Variants in AJUBA observed in about 807,000 individuals in gnomAD.
AJUBA encodes the protein ajuba LIM protein.
AJUBA carries 20 observed loss-of-function variants against 53.3 expected under a neutral mutation model. That is an observed-to-expected ratio of 0.38 (90% confidence interval 0.26 to 0.55). AJUBA has a LOEUF of 0.55. Among genes scored for constraint, AJUBA ranks in the 20% least tolerant of loss-of-function variants. The pLI, the probability that AJUBA is intolerant of heterozygous loss-of-function variation, is 0.80. For synonymous variants in AJUBA, 296 were observed against 306.2 expected (o/e 0.97, Z 0.35); for missense variants, 580 against 730.5 (o/e 0.79, Z 2.38).
intron 1 of AJUBA, among the ~76,000 whole-genome samples, chr14:22,980,012 G>T (rs1322190935): frequency 6.6e-6 from 1 of 152,042 alleles, no homozygotes; most frequent in East Asian, 1.9e-4. Context: ...GGTGGAGGCT[G>T]GGGGTTGAGT....
chr14:22,975,295 A>G, intron 4 of AJUBA, 191 bp from the exon 5 acceptor site: 1 of 674,064 alleles, frequency 1.5e-6, no homozygotes, highest in Non-Finnish European at 2.4e-6. Flanking sequence ...GAGAGCATTC[A>G]GGCCAGCAGT....
At chr14:22,978,782 T>A (rs1035914293) in intron 1 of AJUBA, 96 of 1,203,072 alleles carry the variant, frequency 8.0e-5, no homozygotes, top group Middle Eastern at 3.1e-4. Context: ...ACAGGCAAGG[T>A]ATGATCTCTG....
At chr14:22,981,135 G>C in intron 1 of AJUBA, 126 bp downstream of exon 1, 1 of 1,216,820 alleles carries the variant, frequency 8.2e-7, no homozygotes, top group South Asian at 1.6e-5. Context: ...CATCCCTCTT[G>C]CTTCTTTCCT....
In AJUBA at chr14:22,982,010, T is replaced by A; in HGVS notation, c.257A>T (p.Glu86Val). Residue 86 changes from glutamate to valine, a missense_variant, in exon 1 of 8, where the codon GAA (glutamate) becomes GTA (valine). Physicochemically the swap from Glu to Val is moderately radical, Grantham distance 121. Coordinates refer to ENST00000262713, the MANE Select transcript of AJUBA (RefSeq NM_032876.6). ...QRGSFEAPRY[E>V]GSFPAGPPPT... ...CGGCGGCCCCGCGGGAAAAGAGCCT[T>A]CGTAGCGCGGCGCCTCAAAGGAGCC... 1 of 1,586,864 alleles carries A rather than the reference T, an allele frequency of 6.3e-7. No homozygotes were observed. The highest frequency in any genetic ancestry group is 8.5e-7 in the Non-Finnish European group (1 of 1,171,584).
chr14:22,973,925 A>G (rs771823008), intron 7 of AJUBA, 122 bp downstream of exon 7: 5 of 1,158,116 alleles, frequency 4.3e-6, no homozygotes, highest in Non-Finnish European at 6.4e-6. Context: ...ATAGGTCACA[A>G]TATCTTTCTG....
chr14:22,978,527 T>C (rs1238082257), intron 1 of AJUBA, 82 bp from the exon 2 acceptor site: 12 of 1,551,708 alleles, frequency 7.7e-6, no homozygotes, highest in Non-Finnish European at 9.6e-6. Context: ...CCTTTCCTGA[T>C]GTGCCAGGGG....
rs778995297 is a variant in AJUBA, at chr14:22,974,027, C to T, written c.1491+20G>A. ...CCCATTTCCACTTCTTCTCCAGCAC[C>T]GCTGAACCCCAACACTCACCTCACA... is the stretch of plus-strand genomic sequence containing the variant. On this transcript the variant is annotated intron_variant, in intron 7 of 7. Coordinates refer to ENST00000262713, the MANE Select transcript of AJUBA (RefSeq NM_032876.6). The T allele has an allele frequency of 2.4e-5, 38 of 1,613,876 alleles. No individual in the cohort carries two copies. The highest frequency in any genetic ancestry group is 3.0e-5 in the Non-Finnish European group (35 of 1,179,928).
Position 22,982,127 on chromosome 14 carries a change from G to A in AJUBA, c.140C>T (p.Ser47Leu), listed in dbSNP as rs1302460721. The A allele has an allele frequency of 6.9e-6, 11 of 1,604,108 alleles. No individual in the cohort carries two copies. The highest frequency in any genetic ancestry group is 9.4e-6 in the Non-Finnish European group (11 of 1,176,064). ...TCCCCCAGTAGCTCCTCGGGGCCCT[G>A]ACTTCCTAGGTCCCCCCAACCCACT... is the stretch of plus-strand genomic sequence containing the variant. ...RLSGLGGPRKSGPRGATGGPG... is the reference protein window; with the variant it reads ...RLSGLGGPRKLGPRGATGGPG... The change falls in exon 1 of 8, where the codon TCA becomes TTA. Residue 47 changes from serine to leucine, a missense_variant. Physicochemically the swap from Ser to Leu is moderately radical, Grantham distance 145. This residue lies in a region of AJUBA where 430 missense variants were observed against 471.5 expected (regional missense o/e 0.91). Coordinates refer to ENST00000262713, the MANE Select transcript of AJUBA (RefSeq NM_032876.6).
chr14:22,976,630 G>GT lies in AJUBA; in HGVS notation c.1176+14dup, dbSNP rs1273415051. The GT allele has an allele frequency of 6.2e-7, 1 of 1,613,816 alleles. No homozygotes were observed. Reference sequence around the variant, plus strand: ...GTATGGAAACCAATTCCAGGTCCAGGTGACCCTTACTCACCAGATAATCTT... The same window carrying GT: ...GTATGGAAACCAATTCCAGGTCCAGGTTGACCCTTACTCACCAGATAATCTT... On this transcript the variant is annotated intron_variant, in intron 3 of 7. Coordinates refer to ENST00000262713, the MANE Select transcript of AJUBA (RefSeq NM_032876.6).
Position 22,973,320 on chromosome 14 carries a change from T to C in AJUBA, c.*123A>G, listed in dbSNP as rs2045001929. ...ATCTTTGGGTCTCCGGCCCTTGGGG[T>C]CCTCCCCAGAGGACTCTTCTGCCAG... On this transcript the variant is annotated 3_prime_UTR_variant, in exon 8 of 8. Transcript: ENST00000262713. 1 of 1,385,206 alleles carries C rather than the reference T, an allele frequency of 7.2e-7. No homozygotes were observed. Among genetic ancestry groups the C allele is most frequent in the Non-Finnish European group, 9.7e-7 (1 of 1,028,010 alleles). The allele number at this position is 1,385,206 out of a possible 1,614,324, so 85.8% of individuals were successfully genotyped here. A position where few individuals can be genotyped will look rare whatever the true frequency, so the allele number is the denominator to read the frequency against.
chr14:22,981,989 G>C lies in AJUBA; in HGVS notation c.278C>G (p.Pro93Arg), dbSNP rs1241463133. ...PRYEGSFPAG[P>R]PPTRALPLPQ... The stretch of plus-strand genomic sequence containing the variant: ...TAGAGGCAAGGCCCGGGTGGGCGGC[G>C]GCCCCGCGGGAAAAGAGCCTTCGTA... The change falls in exon 1 of 8, where the codon CCG (proline) becomes CGG (arginine). Residue 93 changes from proline to arginine, a missense_variant. Physicochemically the swap from Pro to Arg is moderately radical, Grantham distance 103. Transcript: ENST00000262713. 103 of 1,578,688 alleles carry C rather than the reference G, an allele frequency of 6.5e-5. No individual in the cohort carries two copies. The highest frequency in any genetic ancestry group is 8.7e-5 in the Non-Finnish European group (102 of 1,168,114).
intron 7 of AJUBA, 65 bp from the exon 8 acceptor site, chr14:22,973,633 G>C: frequency 6.3e-7 from 1 of 1,594,118 alleles, no homozygotes; most frequent in Non-Finnish European, 8.6e-7. Flanking sequence ...TATCTTAGGA[G>C]TCTGCCCTGC....
Position 22,973,293 on chromosome 14 carries a change from T to G in AJUBA, c.*150A>C. On this transcript the variant is annotated 3_prime_UTR_variant, in exon 8 of 8. Coordinates refer to ENST00000262713, the MANE Select transcript of AJUBA (RefSeq NM_032876.6). ...CTTCCACAATCCATTTGGAATATCA[T>G]GATCTTTGGGTCTCCGGCCCTTGGG... 4 of 1,166,736 alleles carry G rather than the reference T, an allele frequency of 3.4e-6. No individual in the cohort carries two copies. The highest frequency in any genetic ancestry group is 4.7e-6 in the Non-Finnish European group (4 of 844,328). The allele number at this position is 1,166,736 out of a possible 1,614,324, so 72.3% of individuals were successfully genotyped here. A position where few individuals can be genotyped will look rare whatever the true frequency, so the allele number is the denominator to read the frequency against.
At chr14:22,980,500 G>A (rs2079186178) in intron 1 of AJUBA, 1 of 701,210 alleles carries the variant, frequency 1.4e-6, no homozygotes. Flanking sequence ...CCATCCAGAG[G>A]TAATGGTGTC....
At chr14:22,980,599 G>C (rs1460321941) in intron 1 of AJUBA, 1 of 985,248 alleles carries the variant, frequency 1.0e-6, no homozygotes, top group Non-Finnish European at 1.2e-6. Flanking sequence ...GCCCACGCAC[G>C]CACCTAGCCA....
At position 22,981,945 on chromosome 14, in the gene AJUBA, CG is replaced by C; in HGVS notation, c.321del (p.Asp108IlefsTer134). 1.3e-6 allele frequency: 2 copies of C among 1,568,624 alleles called. No homozygotes were observed. Among genetic ancestry groups the C allele is most frequent in the South Asian group, 1.2e-5 (1 of 85,654 alleles). On this transcript the variant is annotated frameshift_variant, in exon 1 of 8. Coordinates refer to ENST00000262713, the MANE Select transcript of AJUBA (RefSeq NM_032876.6). LOFTEE classifies it high-confidence loss of function. The stretch of plus-strand genomic sequence containing the variant: ...GGGGCCGTGGGCTCCAGCCGAAAAT[CG>C]GGGGGCAACGACTGAGGTAGAGGCA... The part of the protein sequence containing the change: ...RALPLPQSLP[P>X]DFRLEPTAPA...
intron 1 of AJUBA, 178 bp from the exon 2 acceptor site, chr14:22,978,623 ATTC>A: frequency 7.2e-7 from 1 of 1,389,332 alleles, no homozygotes; most frequent in Non-Finnish European, 9.4e-7. Context: ...GAGCAGATCC[ATTC>A]TTGTTTATTT....
At chr14:22,980,276 A>C (rs2045074774) in intron 1 of AJUBA, among the ~76,000 whole-genome samples, 1 of 152,156 alleles carries the variant, frequency 6.6e-6, no homozygotes, top group African/African-American at 2.4e-5. Context: ...AGTGCCTGTG[A>C]ATTTTGACTA....
chr14:22,981,327 C>G lies in AJUBA; in HGVS notation c.940G>C (p.Gly314Arg). The change falls in exon 1 of 8, where the codon GGT becomes CGT. Residue 314 changes from glycine to arginine, a missense_variant. Coordinates refer to ENST00000262713, the MANE Select transcript of AJUBA (RefSeq NM_032876.6). ...CGGGCGGCCTCCGGAACGAAAGGAC[C>G]TGGTGGCTCCTCCAGACCCGACGGC... ...IEPSGLEEPP[G>R]PFVPEAARAR... The G allele has an allele frequency of 8.1e-6, 13 of 1,613,252 alleles. No homozygotes were observed. The highest frequency in any genetic ancestry group is 1.1e-5 in the Non-Finnish European group (13 of 1,179,774).
Sources: allele counts gnomAD v4.1 joint callset (sites outside exome capture counted in the v4.1 genomes callset), GRCh38; gene constraint gnomAD v4.1.1; regional missense constraint gnomAD v4.1.1; transcripts MANE v1.5; gene names NCBI Gene and HGNC (gene_info 2026-07-23, HGNC 2026-07-21).